AMZ2: variants seen among roughly 807,000 people sequenced by gnomAD.
AMZ2 encodes the protein archaemetzincin-2.
Under a neutral mutation model 36.7 loss-of-function variants are expected in AMZ2, and 26 were observed. The ratio of observed to expected loss-of-function variants is 0.71; its 90% CI spans 0.52 to 0.98. The LOEUF (loss-of-function observed/expected upper bound fraction) is 0.98. AMZ2 is among the 50% of genes least tolerant of loss of function. The pLI, the probability that AMZ2 is intolerant of heterozygous loss-of-function variation, is 0.00. For synonymous variants in AMZ2, 144 were observed against 149.1 expected, an observed-to-expected ratio of 0.97 and a Z score of 0.25; for missense variants, 394 against 430.5, an observed-to-expected ratio of 0.92 and a Z score of 0.75.
intron 1 of AMZ2, among the ~76,000 whole-genome samples, chr17:68,221,209 T>TCCG (rs2073350050): frequency 1.5e-5 from 1 of 66,778 alleles, no homozygotes; most frequent in Non-Finnish European, 2.7e-5. Context: ...AGCCCTCAGC[T>TCCG]CCCCCCCCCG....
intron 2 of AMZ2, 68 bp downstream of exon 2, chr17:68,250,538 G>T: frequency 1.9e-6 from 3 of 1,550,340 alleles, no homozygotes; most frequent in Non-Finnish European, 2.6e-6. Flanking sequence ...AATAGTCCAG[G>T]CTATGGGTCT....
intron 1 of AMZ2, among the ~76,000 whole-genome samples, chr17:68,220,439 C>A (rs2073317460): frequency 6.6e-6 from 1 of 151,784 alleles, no homozygotes; most frequent in African/African-American, 2.4e-5. Context: ...AGTCAGAGAT[C>A]ACTGTATTTG....
chr17:68,222,633 G>A (rs2073397031), intron 1 of AMZ2, among the ~76,000 whole-genome samples: 1 of 152,190 alleles, frequency 6.6e-6, no homozygotes, highest in Admixed American at 6.5e-5. Flanking sequence ...TGGGCTTGAT[G>A]GGAGACAGCG....
At chr17:68,230,255 T>G (rs2144594609) in intron 1 of AMZ2, among the ~76,000 whole-genome samples, 1 of 152,304 alleles carries the variant, frequency 6.6e-6, no homozygotes, top group East Asian at 1.9e-4. Context: ...GTATTTTTAG[T>G]AGAGATGGGA....
At chr17:68,209,598 GTGTGTGTATATGTA>G (rs1355952850) in intron 1 of AMZ2, among the ~76,000 whole-genome samples, 3 of 115,836 alleles carry the variant, frequency 2.6e-5, no homozygotes, top group African/African-American at 3.5e-5. Context: ...GTGTGTGTGT[GTGTGTGTATATGTA>G]TATATATATA....
intron 1 of AMZ2, among the ~76,000 whole-genome samples, chr17:68,211,818 G>GTATATA (rs1471942244): frequency 5.0e-5 from 6 of 119,590 alleles, no homozygotes; most frequent in African/African-American, 1.2e-4. Context: ...ATATATGTAT[G>GTATATA]TGTATGTATA....
Position 68,223,969 on chromosome 17 carries a change from A to C in AMZ2, c.-67+17731A>C, listed in dbSNP as rs566533552. On this transcript the variant is annotated intron_variant, in intron 1 of 7. Coordinates refer to the AMZ2 transcript ENST00000674770. ...CAGTGGCACCATCTCAGCTCACTGC[A>C]AGCTCTGCCTCCCGGGTTCACGCCA... Among the ~76,000 whole-genome samples, 4 of 151,892 alleles carry C rather than the reference A, an allele frequency of 2.6e-5. No homozygotes were observed. In the East Asian group the frequency reaches 7.8e-4, roughly 29 times the overall value.
At chr17:68,209,610 G>GTGTA (rs1491503518) in intron 1 of AMZ2, among the ~76,000 whole-genome samples, 1 of 108,806 alleles carries the variant, frequency 9.2e-6, no homozygotes, top group Non-Finnish European at 1.7e-5. Context: ...GTGTGTATAT[G>GTGTA]TATATATATA....
upstream of AMZ2, among the ~76,000 whole-genome samples, chr17:68,246,149 T>C (rs1299081960): frequency 2.3e-5 from 2 of 87,584 alleles, no homozygotes; most frequent in African/African-American, 9.7e-5. Flanking sequence ...CTACTAAAAA[T>C]ACAAAAATTG....
At chr17:68,251,460 T>C (rs1178195028) in intron 4 of AMZ2, 8 of 312,688 alleles carry the variant, frequency 2.6e-5, no homozygotes, top group Non-Finnish European at 4.8e-5. Context: ...AAAGTGTGGA[T>C]AAGCCTGGAC....
At chr17:68,233,256 C>T (rs2073707625) in intron 1 of AMZ2, among the ~76,000 whole-genome samples, 1 of 152,176 alleles carries the variant, frequency 6.6e-6, no homozygotes, top group Non-Finnish European at 1.5e-5. Flanking sequence ...CGCCTGTAAT[C>T]CCAGCACTTT....
chr17:68,243,078 A>G (rs771103484), upstream of AMZ2, among the ~76,000 whole-genome samples: 21 of 150,216 alleles, frequency 1.4e-4, no homozygotes, highest in Non-Finnish European at 2.8e-4. Flanking sequence ...ATGTGTAAAC[A>G]TTTCTGTGTC....
intron 1 of AMZ2, 28 bp downstream of exon 1, chr17:68,248,733 T>C (rs1555737344): frequency 1.0e-6 from 1 of 990,094 alleles, no homozygotes; most frequent in African/African-American, 1.7e-5. Context: ...AGGTACATCT[T>C]GTTTTATATT....
At chr17:68,213,926 C>G (rs1265832202) in intron 1 of AMZ2, among the ~76,000 whole-genome samples, 5 of 151,802 alleles carry the variant, frequency 3.3e-5, no homozygotes, top group Admixed American at 1.3e-4. Flanking sequence ...TTTTTATTAT[C>G]TAAGAGCTCT....
chr17:68,235,590 A>G lies in AMZ2; in HGVS notation c.-66-13050A>G, dbSNP rs1222541297. Among the ~76,000 whole-genome samples, 1 of 151,768 alleles carries G rather than the reference A, an allele frequency of 6.6e-6. No homozygotes were observed. Among genetic ancestry groups the G allele is most frequent in the African/African-American group, 2.4e-5 (1 of 41,300 alleles). ...CGGAGCCCCTATCCGGGACAGCCTC[A>G]ATCCCTCAGGGCCCCTCTCGGTGCC... On this transcript the variant is annotated intron_variant, in intron 1 of 7. Transcript: ENST00000674770. The surrounding 1 kb of genome is among the most constrained non-coding windows in gnomAD (Gnocchi z 4.2).
intron 1 of AMZ2, chr17:68,249,833 G>C (rs2074310810): frequency 4.3e-6 from 1 of 230,788 alleles, no homozygotes; most frequent in South Asian, 5.3e-5. Flanking sequence ...TTTTTGTAGA[G>C]ACAGGGTCTC....
At chr17:68,230,489 AGTGGAGT>A (rs1346147599) in intron 1 of AMZ2, among the ~76,000 whole-genome samples, 9 of 152,298 alleles carry the variant, frequency 5.9e-5, no homozygotes, top group Admixed American at 5.2e-4. Flanking sequence ...GCCCAGATTC[AGTGGAGT>A]GATCTATAGA....
At chr17:68,223,072 AAG>A (rs1156787791) in intron 1 of AMZ2, among the ~76,000 whole-genome samples, 1 of 152,030 alleles carries the variant, frequency 6.6e-6, no homozygotes, top group Non-Finnish European at 1.5e-5. Context: ...GAAATTGAGG[AAG>A]AGAGAGAGAC....
chr17:68,216,876 C>A (rs1433509864), intron 1 of AMZ2, among the ~76,000 whole-genome samples: 1 of 151,724 alleles, frequency 6.6e-6, no homozygotes, highest in African/African-American at 2.4e-5. Context: ...TAAAAACACA[C>A]AAAAAAATTA....
Sources: allele counts gnomAD v4.1 joint callset (sites outside exome capture counted in the v4.1 genomes callset), GRCh38; gene constraint gnomAD v4.1.1; non-coding constraint Gnocchi (gnomAD v3.1); transcripts MANE v1.5; gene names NCBI Gene and HGNC (gene_info 2026-07-23, HGNC 2026-07-21).